Variants in ZMIZ2 observed in about 807,000 individuals in gnomAD.
ZMIZ2 encodes the protein zinc finger MIZ domain-containing protein 2.
Under a neutral mutation model 93.9 loss-of-function variants are expected in ZMIZ2, and 26 were observed. The ratio of observed to expected loss-of-function variants is 0.28; its 90% CI spans 0.20 to 0.38. The LOEUF (loss-of-function observed/expected upper bound fraction) is 0.38. ZMIZ2 is among the 10% of genes least tolerant of loss of function. The pLI is 1.00. For synonymous variants in ZMIZ2, 485 were observed against 516.4 expected, an observed-to-expected ratio of 0.94 and a Z score of 0.82; for missense variants, 1,023 against 1,235.0, an observed-to-expected ratio of 0.83 and a Z score of 2.57.
Position 44,763,056 on chromosome 7 carries a change from T to C in ZMIZ2, c.1702+70T>C. On this transcript the variant is annotated intron_variant, in intron 12 of 18. Transcript: ENST00000309315. This position sits in a 1 kb window ranked among gnomAD's most constrained non-coding sequence, Gnocchi z 5.6. Reference sequence around the variant, plus strand: ...CTGTGTGGCCCAAGCCCAACAATCCTCCTTGTGGGCACCTCCTCGTGTCAC... The same window carrying C: ...CTGTGTGGCCCAAGCCCAACAATCCCCCTTGTGGGCACCTCCTCGTGTCAC... 1 of 1,506,890 alleles carries C rather than the reference T, an allele frequency of 6.6e-7. No homozygotes were observed. The highest frequency in any genetic ancestry group is 9.1e-7 in the Non-Finnish European group (1 of 1,101,498). The allele number at this position is 1,506,890 out of a possible 1,614,324, so 93.3% of individuals were successfully genotyped here.
intron 1 of ZMIZ2, 114 bp downstream of exon 1, chr7:44,749,105 G>A (rs907093911): frequency 3.9e-5 from 6 of 151,978 alleles, no homozygotes; most frequent in African/African-American, 1.5e-4. Context: ...GGGCAGGCAG[G>A]TGTAGCTGGT....
chr7:44,760,248 G>A lies in ZMIZ2; in HGVS notation c.1071+20G>A, dbSNP rs1279319884. On this transcript the variant is annotated intron_variant, in intron 8 of 18. Coordinates refer to ENST00000309315, the MANE Select transcript of ZMIZ2 (RefSeq NM_031449.4). ...AGTGGGGTAGGGGGCCTGGCCGGGAGGATGGGCCGGGAGGCTCACAGGGTG... is the reference window on the plus strand; with the variant it reads ...AGTGGGGTAGGGGGCCTGGCCGGGAAGATGGGCCGGGAGGCTCACAGGGTG... The A allele has an allele frequency of 3.1e-6, 5 of 1,604,974 alleles. No individual in the cohort carries two copies. The highest frequency in any genetic ancestry group is 3.4e-6 in the Non-Finnish European group (4 of 1,175,294).
intron 11 of ZMIZ2, 45 bp from the exon 12 acceptor site, chr7:44,762,836 C>T (rs1791341442): frequency 4.5e-6 from 7 of 1,546,094 alleles, no homozygotes; most frequent in Non-Finnish European, 6.2e-6. Flanking sequence ...CCAGGGTGGC[C>T]CCTGGCCCAA....
chr7:44,759,061 A>G lies in ZMIZ2; in HGVS notation c.814-220A>G, dbSNP rs370798438. Among the ~76,000 whole-genome samples, 12 of 148,750 alleles carry G rather than the reference A, an allele frequency of 8.1e-5. No homozygotes were observed. The East Asian group carries it at 2.2e-3, about 27-fold the overall frequency. ...TGCACCACTGCACTTCAGCCTGGGC[A>G]ACAGAGTGAGACTGTCTCAAATTAA... On this transcript the variant is annotated intron_variant, in intron 6 of 18. Coordinates refer to ENST00000309315, the MANE Select transcript of ZMIZ2 (RefSeq NM_031449.4).
chr7:44,754,876 T>C (rs868296790), intron 1 of ZMIZ2, among the ~76,000 whole-genome samples: 9 of 152,248 alleles, frequency 5.9e-5, no homozygotes, highest in Middle Eastern at 3.4e-3. Context: ...CCAGTGTTCC[T>C]CTGTGGATAG....
Position 44,766,892 on chromosome 7 carries a change from C to T in ZMIZ2, c.2655+229C>T, listed in dbSNP as rs77367934. ...GGGGCCTGGATGCCGTACGGGCGGA[C>T]GCAGAGTCTCAGAGGAGACTGCACT... On this transcript the variant is annotated intron_variant, in intron 18 of 18. Coordinates refer to ENST00000309315, the MANE Select transcript of ZMIZ2 (RefSeq NM_031449.4). The surrounding 1 kb of genome is among the most constrained non-coding windows in gnomAD (Gnocchi z 4.4). Among the ~76,000 whole-genome samples the T allele has an allele frequency of 0.047, 7,226 of 152,128 alleles. 574 individuals are homozygous for T. The highest frequency in any genetic ancestry group is 0.37 in the East Asian group (1,893 of 5,136).
chr7:44,764,733 T>C (rs1583654997), intron 14 of ZMIZ2, among the ~76,000 whole-genome samples: 1 of 152,096 alleles, frequency 6.6e-6, no homozygotes, highest in East Asian at 1.9e-4. Context: ...ACCTCGTATT[T>C]TCACCTCACA....
chr7:44,769,028 T>G lies in ZMIZ2; in HGVS notation c.*1405T>G, dbSNP rs1791961793. 2 of 152,720 alleles carry G rather than the reference T, an allele frequency of 1.3e-5. No homozygotes were observed. Among genetic ancestry groups the G allele is most frequent in the African/African-American group, 4.8e-5 (2 of 41,458 alleles). The allele number at this position is 152,720 out of a possible 1,614,324, so 9.5% of individuals were successfully genotyped here. The stretch of plus-strand genomic sequence containing the variant: ...GCCCTGGGGCACTGAGACAGTTGTT[T>G]GGCAGCCCCAGCCCAGCCAGGGGCT... On this transcript the variant is annotated 3_prime_UTR_variant, in exon 19 of 19. Coordinates refer to ENST00000309315, the MANE Select transcript of ZMIZ2 (RefSeq NM_031449.4).
At position 44,767,754 on chromosome 7, in the gene ZMIZ2, G is replaced by A; in HGVS notation, c.*131G>A. On this transcript the variant is annotated 3_prime_UTR_variant, in exon 19 of 19. Coordinates refer to ENST00000309315, the MANE Select transcript of ZMIZ2 (RefSeq NM_031449.4). Reference sequence around the variant, plus strand: ...CCCCCAAAACACACCTGGAGCCAGAGCCTTCTGCCGCCAGCCCTGCCCCTG... The same window carrying A: ...CCCCCAAAACACACCTGGAGCCAGAACCTTCTGCCGCCAGCCCTGCCCCTG... 1 of 768,298 alleles carries A rather than the reference G, an allele frequency of 1.3e-6. No homozygotes were observed. Among genetic ancestry groups the A allele is most frequent in the Non-Finnish European group, 2.2e-6 (1 of 462,990 alleles). 47.6% of individuals were successfully genotyped at this position (768,298 alleles called of 1,614,324 possible).
Position 44,766,348 on chromosome 7 carries a change from G to A in ZMIZ2, c.2412+15G>A, listed in dbSNP as rs371959317. ...TCCCAAGCCAGGTCAGTGCCAAGCCGAGAGGCCAAGGGGCCCTGTCTCCCC... is the reference window on the plus strand; with the variant it reads ...TCCCAAGCCAGGTCAGTGCCAAGCCAAGAGGCCAAGGGGCCCTGTCTCCCC... On this transcript the variant is annotated intron_variant, in intron 17 of 18. Transcript: ENST00000309315. This position sits in a 1 kb window ranked among gnomAD's most constrained non-coding sequence, Gnocchi z 4.4. 18 of 1,603,320 alleles carry A rather than the reference G, an allele frequency of 1.1e-5. No individual in the cohort carries two copies. Among genetic ancestry groups the A allele is most frequent in the East Asian group, 8.9e-5 (4 of 44,730 alleles).
At position 44,765,598 on chromosome 7, in the gene ZMIZ2, C is replaced by A. The variant is rs756499081; in HGVS notation, c.2242+19C>A. ...GGCCAGGGTAAGTACAGCAGGCTAG[C>A]CTTGAACCTCAGATGACCCTGGGCA... On this transcript the variant is annotated intron_variant, in intron 16 of 18. Coordinates refer to ENST00000309315, the MANE Select transcript of ZMIZ2 (RefSeq NM_031449.4). The surrounding 1 kb of genome is among the most constrained non-coding windows in gnomAD (Gnocchi z 4.1). 5.2e-6 allele frequency: 8 copies of A among 1,525,272 alleles called. No individual in the cohort carries two copies. In the South Asian group the frequency reaches 6.7e-5, roughly 13 times the overall value. 94.5% of individuals were successfully genotyped at this position (1,525,272 alleles called of 1,614,324 possible).
At position 44,768,292 on chromosome 7, in the gene ZMIZ2, CA is replaced by C. The variant is rs1464109279; in HGVS notation, c.*670del. ...ACACTAACAGCTGGGAGAGGGGAGC[CA>C]GCTGTCCAGCCAGCATGTTCCTGTT... On this transcript the variant is annotated 3_prime_UTR_variant, in exon 19 of 19. Coordinates refer to ENST00000309315, the MANE Select transcript of ZMIZ2 (RefSeq NM_031449.4). The C allele has an allele frequency of 6.5e-6, 1 of 153,396 alleles. No individual in the cohort carries two copies. The highest frequency in any genetic ancestry group is 2.4e-5 in the African/African-American group (1 of 41,448). 9.5% of individuals were successfully genotyped at this position (153,396 alleles called of 1,614,324 possible). A position where few individuals can be genotyped will look rare whatever the true frequency, so the allele number is the denominator to read the frequency against.
At position 44,750,568 on chromosome 7, in the gene ZMIZ2, C is replaced by A. The variant is rs577174119; in HGVS notation, c.-63+1577C>A. On this transcript the variant is annotated intron_variant, in intron 1 of 18. Transcript: ENST00000309315. The stretch of plus-strand genomic sequence containing the variant: ...CGTTGCCTGCCACAGGGCCCACTTG[C>A]TGGTCCTGCTCCTAGCTGACTAGGC... Among the ~76,000 whole-genome samples the A allele has an allele frequency of 3.3e-5, 5 of 152,322 alleles. No homozygotes were observed. The South Asian group carries it at 1.0e-3, about 32-fold the overall frequency.
intron 1 of ZMIZ2, among the ~76,000 whole-genome samples, chr7:44,750,247 A>G (rs1029661881): frequency 5.3e-5 from 8 of 152,142 alleles, no homozygotes; most frequent in Admixed American, 2.6e-4. Flanking sequence ...TCAGCTGTTC[A>G]CTGAAATGTC....
intron 1 of ZMIZ2, among the ~76,000 whole-genome samples, chr7:44,751,953 T>A (rs1260357904): frequency 1.3e-5 from 2 of 151,452 alleles, no homozygotes; most frequent in African/African-American, 2.4e-5. Context: ...AAGAGCAAGA[T>A]TCCATCTCAA....
In ZMIZ2 at chr7:44,763,156, CAGTG is replaced by C; in HGVS notation, c.1703-99_1703-96del. On this transcript the variant is annotated intron_variant, in intron 12 of 18. Coordinates refer to ENST00000309315, the MANE Select transcript of ZMIZ2 (RefSeq NM_031449.4). This position sits in a 1 kb window ranked among gnomAD's most constrained non-coding sequence, Gnocchi z 5.6. ...GTTCCAGGTGGCCCCTCAGAGCTGT[CAGTG>C]GGTCAGTGACTGGGTCCCTGCCTCG... 1.3e-6 allele frequency: 2 copies of C among 1,539,310 alleles called. No individual in the cohort carries two copies. Among genetic ancestry groups the C allele is most frequent in the Non-Finnish European group, 1.8e-6 (2 of 1,131,126 alleles).
intron 1 of ZMIZ2, among the ~76,000 whole-genome samples, chr7:44,750,466 C>T (rs138406503): frequency 1.7e-3 from 262 of 152,312 alleles, no homozygotes; most frequent in African/African-American, 6.1e-3. Context: ...TACCCTTTGA[C>T]TCCATTGTCA....
intron 13 of ZMIZ2, 67 bp from the exon 14 acceptor site, chr7:44,764,352 C>A (rs1490941990): frequency 1.3e-6 from 2 of 1,482,556 alleles, no homozygotes; most frequent in African/African-American, 1.4e-5. Context: ...AAAGGGATTG[C>A]AGAGTGACCA....
rs759248471 is a variant in ZMIZ2 at position 44,767,516 on chromosome 7, C to T, written c.2656C>T (p.Leu886=). The change falls in exon 19 of 19, where the codon CTG becomes TTG. Residue 886 remains leucine (L), a splice_region_variant and synonymous_variant. Transcript: ENST00000309315. ...CTAACAGAGTTCACTTTGTCCTCAG[C>T]TGCTCCCGGAACTGACCAACCCTGA... ...AGEAPEPALD[L]LPELTNPDEL... is the part of the protein sequence containing the mutation. 3 of 1,613,738 alleles carry T rather than the reference C, an allele frequency of 1.9e-6. No individual in the cohort carries two copies. The highest frequency in any genetic ancestry group is 3.3e-5 in the Admixed American group (2 of 60,002).
Sources: gnomAD v4.1 joint callset for allele counts (sites outside exome capture counted in the v4.1 genomes callset) on GRCh38, gnomAD v4.1.1 for gene constraint, Gnocchi (gnomAD v3.1) non-coding constraint, MANE v1.5 for transcripts, NCBI Gene and HGNC (gene_info 2026-07-23, HGNC 2026-07-21) for gene names.